EPB41L2: variants seen among roughly 807,000 people sequenced by gnomAD.
The protein encoded by EPB41L2 is band 4.1-like protein 2.
EPB41L2 carries 43 observed loss-of-function variants against 113.0 expected under a neutral mutation model. The observed-to-expected ratio is 0.38, with a 90% CI of 0.30 to 0.49. EPB41L2 has a LOEUF of 0.49. Ranked by LOEUF, EPB41L2 falls within the 20% of genes least tolerant of loss-of-function variation. The pLI, the probability that EPB41L2 is intolerant of heterozygous loss-of-function variation, is 0.95. For synonymous variants in EPB41L2, 442 were observed against 436.7 expected, an observed-to-expected ratio of 1.01 and a Z score of -0.15; for missense variants, 1,147 against 1,223.4, an observed-to-expected ratio of 0.94 and a Z score of 0.93.
intron 4 of EPB41L2, among the ~76,000 whole-genome samples, chr6:130,909,266 T>C (rs1798624512): frequency 6.6e-6 from 1 of 152,190 alleles, no homozygotes; most frequent in South Asian, 2.1e-4. Flanking sequence ...GTGTGAAAAT[T>C]GAAACTGTTG....
At chr6:130,928,981 A>G (rs778762015) in intron 3 of EPB41L2, among the ~76,000 whole-genome samples, 30 of 152,086 alleles carry the variant, frequency 2.0e-4, no homozygotes, top group Non-Finnish European at 3.8e-4. Flanking sequence ...CAAACACCAA[A>G]ATGTTTCTAG....
intron 1 of EPB41L2, among the ~76,000 whole-genome samples, chr6:130,979,823 T>C (rs1479457170): frequency 1.3e-5 from 2 of 152,108 alleles, no homozygotes; most frequent in Admixed American, 1.3e-4. Context: ...AATCCGAAGA[T>C]GGTTGAAGGT....
intron 1 of EPB41L2, among the ~76,000 whole-genome samples, chr6:130,962,567 A>G (rs1462729796): frequency 6.6e-6 from 1 of 152,186 alleles, no homozygotes; most frequent in Non-Finnish European, 1.5e-5. Context: ...AACCCACTAT[A>G]TCACTTGTTT....
intron 1 of EPB41L2, among the ~76,000 whole-genome samples, chr6:131,016,057 A>C (rs1788117062): frequency 1.3e-5 from 2 of 152,224 alleles, no homozygotes; most frequent in Admixed American, 1.3e-4. Context: ...GGACAGGGTG[A>C]AAAGGGCAAT....
chr6:130,984,845 A>G (rs1780172500), intron 1 of EPB41L2, among the ~76,000 whole-genome samples: 1 of 152,224 alleles, frequency 6.6e-6, no homozygotes, highest in Admixed American at 6.5e-5. Flanking sequence ...TGGGACCAAG[A>G]GATTACTATT....
intron 8 of EPB41L2, 140 bp downstream of exon 8, chr6:130,899,351 A>G: frequency 1.5e-6 from 1 of 655,650 alleles, no homozygotes; most frequent in Non-Finnish European, 2.7e-6. Context: ...ATTAGTCACC[A>G]AGGAAATATT....
intron 1 of EPB41L2, among the ~76,000 whole-genome samples, chr6:131,049,708 C>A (rs1265270920): frequency 6.6e-6 from 1 of 152,242 alleles, no homozygotes. Context: ...TTCCAATAAT[C>A]CCATAGGACT....
intron 1 of EPB41L2, among the ~76,000 whole-genome samples, chr6:131,008,749 C>T (rs752614816): frequency 6.6e-6 from 1 of 152,182 alleles, no homozygotes; most frequent in Admixed American, 6.5e-5. Context: ...CAAAGGAGAT[C>T]GTTTTGGAAC....
intron 3 of EPB41L2, among the ~76,000 whole-genome samples, chr6:130,943,398 G>A (rs1054516851): frequency 1.3e-5 from 2 of 152,078 alleles, no homozygotes; most frequent in Admixed American, 6.5e-5. Flanking sequence ...AACCTTACTC[G>A]ACCCTGAAGT....
At chr6:130,926,919 C>CATA (rs1365150790) in intron 3 of EPB41L2, among the ~76,000 whole-genome samples, 4 of 152,158 alleles carry the variant, frequency 2.6e-5, no homozygotes, top group Admixed American at 2.6e-4. Flanking sequence ...GAAACAAAAG[C>CATA]ATAAGCAAGC....
At chr6:130,868,374 T>C (rs1174128886) in intron 15 of EPB41L2, 1 of 152,252 alleles carries the variant, frequency 6.6e-6, no homozygotes, top group East Asian at 1.9e-4. Flanking sequence ...AAAGGAAATA[T>C]TCAACGGCTT....
intron 1 of EPB41L2, among the ~76,000 whole-genome samples, chr6:131,021,232 C>T (rs768562492): frequency 1.4e-4 from 22 of 152,132 alleles, no homozygotes; most frequent in Non-Finnish European, 2.8e-4. Flanking sequence ...TTCAAGACTG[C>T]CGGACTTCCT....
chr6:130,894,230 G>T (rs1028437673), intron 10 of EPB41L2, 114 bp downstream of exon 10: 1 of 774,196 alleles, frequency 1.3e-6, no homozygotes, highest in African/African-American at 1.7e-5. Context: ...ATGTTCCCCA[G>T]GCTGGTCTCA....
Position 130,878,169 on chromosome 6 carries a change from G to T in EPB41L2, c.1978C>A (p.Pro660Thr). ...ELKRNFMEST[P>T]EPRPNEWEKR... ...TCCCATTCATTAGGGCGCGGCTCAGGTGTGGATTCCATAAAATTGCGCTTG... is the reference window on the plus strand; with the variant it reads ...TCCCATTCATTAGGGCGCGGCTCAGTTGTGGATTCCATAAAATTGCGCTTG... The change falls in exon 14 of 20, where the codon CCT becomes ACT. Residue 660 changes from proline to threonine, a missense_variant. Physicochemically the swap from Pro to Thr is conservative, Grantham distance 38. Transcript: ENST00000337057. The T allele has an allele frequency of 2.5e-6, 4 of 1,613,658 alleles. No homozygotes were observed. The highest frequency in any genetic ancestry group is 2.5e-6 in the Non-Finnish European group (3 of 1,179,878).
chr6:130,945,774 T>C (rs1454073135), intron 3 of EPB41L2, among the ~76,000 whole-genome samples: 3 of 152,138 alleles, frequency 2.0e-5, no homozygotes, highest in Admixed American at 6.5e-5. Flanking sequence ...AAAGTAAACA[T>C]AGATCGCCTG....
At chr6:130,881,853 A>G in intron 12 of EPB41L2, 1 of 152,290 alleles carries the variant, frequency 6.6e-6, no homozygotes. Context: ...AATACCCTAT[A>G]GTGACTCTTA....
chr6:130,846,325 C>T (rs1777035344), intron 19 of EPB41L2, among the ~76,000 whole-genome samples: 1 of 152,184 alleles, frequency 6.6e-6, no homozygotes, highest in African/African-American at 2.4e-5. Flanking sequence ...TAAAACTTCT[C>T]AGTTTTGACT....
rs2128523666 is a variant in EPB41L2, at chr6:130,914,639, T to C, written c.811-5776A>G. On this transcript the variant is annotated intron_variant, in intron 4 of 19. Coordinates refer to ENST00000337057, the MANE Select transcript of EPB41L2 (RefSeq NM_001431.4). ...TCAGGAAAGTGACAGCTTCAGGCAA[T>C]TCAAGATCAGGCAAGACAGGGATCT... is the stretch of plus-strand genomic sequence containing the variant. 1.3e-5 allele frequency among the ~76,000 whole-genome samples: 2 copies of C among 152,272 alleles called. 1 individual carries two copies. Among genetic ancestry groups the C allele is most frequent in the Middle Eastern group, 6.8e-3 (2 of 294 alleles).
At chr6:131,053,364 C>T (rs1286513195) in intron 1 of EPB41L2, among the ~76,000 whole-genome samples, 2 of 138,606 alleles carry the variant, frequency 1.4e-5, no homozygotes, top group Non-Finnish European at 3.0e-5. Flanking sequence ...ACCATCACTA[C>T]AACAGTTACT....
Sources: allele counts gnomAD v4.1 joint callset (sites outside exome capture counted in the v4.1 genomes callset), GRCh38; gene constraint gnomAD v4.1.1; transcripts MANE v1.5; gene names NCBI Gene and HGNC (gene_info 2026-07-23, HGNC 2026-07-21).